Variants in LMO7 observed in about 807,000 individuals in gnomAD.
LMO7 encodes LIM domain only protein 7.
In LMO7, 120 loss-of-function variants were observed where a neutral mutation model predicts 206.5. That is an observed-to-expected ratio of 0.58 (90% CI 0.50 to 0.68). The LOEUF is 0.68. LMO7 is among the 30% of genes least tolerant of loss of function. The pLI is 0.00. For synonymous variants in LMO7, 706 were observed against 681.5 expected (o/e 1.04, Z -0.56); for missense variants, 1,959 against 1,957.9 (o/e 1.00, Z -0.01).
chr13:75,685,027 C>T (rs796627066), intron 1 of LMO7, among the ~76,000 whole-genome samples: 39 of 152,272 alleles, frequency 2.6e-4, no homozygotes, highest in African/African-American at 8.2e-4. Flanking sequence ...TTCCGCCTAT[C>T]TTTAGCTATT....
At position 75,835,349 on chromosome 13, in the gene LMO7, TGGA is replaced by T; in HGVS notation, c.3333+12_3333+14del. 1 of 1,570,162 alleles carries T rather than the reference TGGA, an allele frequency of 6.4e-7. No individual in the cohort carries two copies. The highest frequency in any genetic ancestry group is 2.3e-5 in the East Asian group (1 of 43,432). ...AAGCCTTCAGAGTTCTGTGAGTATT[TGGA>T]GAAGTAGGAAGTACTGGTGTGGAGT... On this transcript the variant is annotated intron_variant, in intron 18 of 30. Transcript: ENST00000377534.
intron 4 of LMO7, among the ~76,000 whole-genome samples, chr13:75,783,165 C>T (rs992213408): frequency 6.6e-6 from 1 of 152,156 alleles, no homozygotes; most frequent in Non-Finnish European, 1.5e-5. Context: ...ACAGCATATA[C>T]ATAACCATTT....
chr13:75,635,028 C>CAAA (rs984451343), upstream of LMO7, among the ~76,000 whole-genome samples: 3 of 135,690 alleles, frequency 2.2e-5, no homozygotes, highest in Non-Finnish European at 3.3e-5. Context: ...CAAAACAAAA[C>CAAA]AAAACAAAAC....
intron 4 of LMO7, among the ~76,000 whole-genome samples, chr13:75,781,935 G>T (rs2051524966): frequency 6.6e-6 from 1 of 152,134 alleles, no homozygotes; most frequent in South Asian, 2.1e-4. Context: ...CTTTTGAGAA[G>T]TGTCTGTTCA....
At chr13:75,815,845 G>T (rs1216646400) in intron 11 of LMO7, among the ~76,000 whole-genome samples, 1 of 152,146 alleles carries the variant, frequency 6.6e-6, no homozygotes, top group Non-Finnish European at 1.5e-5. Context: ...GTGAAAAGTG[G>T]TTGTTAGGTT....
At chr13:75,742,797 C>A (rs2761398) in intron 3 of LMO7, among the ~76,000 whole-genome samples, 66,426 of 152,028 alleles carry the variant, frequency 0.44, 14,861 homozygotes, top group East Asian at 0.61. Flanking sequence ...CAATAACATT[C>A]TGGACATAGG....
chr13:75,752,363 C>T (rs933841261), intron 3 of LMO7, among the ~76,000 whole-genome samples: 1 of 152,028 alleles, frequency 6.6e-6, no homozygotes, highest in African/African-American at 2.4e-5. Context: ...GAACTCCTGA[C>T]CTCAGGTGAT....
intron 2 of LMO7, among the ~76,000 whole-genome samples, chr13:75,721,934 C>CA (rs1166831783): frequency 1.3e-5 from 2 of 152,128 alleles, no homozygotes; most frequent in African/African-American, 4.8e-5. Flanking sequence ...TTCCACAAAG[C>CA]AAACAAAAAC....
chr13:75,807,878 C>A lies in LMO7; in HGVS notation c.1595C>A (p.Ser532Tyr), dbSNP rs761293278. The A allele has an allele frequency of 5.6e-6, 9 of 1,613,934 alleles. No individual in the cohort carries two copies. The highest frequency in any genetic ancestry group is 7.6e-6 in the Non-Finnish European group (9 of 1,179,868). ...IPAQKKEVPL[S>Y]GAPDRYHPVP... ...GCACAGAAGAAAGAAGTGCCGCTGT[C>A]TGGGGCCCCAGATAGATACCACCCA... The change falls in exon 10 of 31, where the codon TCT becomes TAT. Residue 532 changes from serine to tyrosine, a missense_variant. Physicochemically the swap from Ser to Tyr is moderately radical, Grantham distance 144 (BLOSUM62 -2). Transcript: ENST00000377534.
intron 2 of LMO7, among the ~76,000 whole-genome samples, chr13:75,626,442 A>AAG: frequency 6.6e-6 from 1 of 150,560 alleles, no homozygotes; most frequent in African/African-American, 2.4e-5. Context: ...GCAGGGGAAA[A>AAG]ACCGGCCCAC....
At chr13:75,655,057 G>A (rs2037924181) in intron 1 of LMO7, among the ~76,000 whole-genome samples, 1 of 152,024 alleles carries the variant, frequency 6.6e-6, no homozygotes, top group African/African-American at 2.4e-5. Context: ...TTTTAGTAGA[G>A]ACGGGGTTTC....
At chr13:75,718,578 C>G (rs2043754279) in intron 2 of LMO7, among the ~76,000 whole-genome samples, 1 of 152,142 alleles carries the variant, frequency 6.6e-6, no homozygotes, top group Non-Finnish European at 1.5e-5. Context: ...CAGCCTCCCC[C>G]ATTATCAACG....
chr13:75,784,402 T>A (rs948741865), intron 4 of LMO7, among the ~76,000 whole-genome samples: 1 of 152,136 alleles, frequency 6.6e-6, no homozygotes, highest in African/African-American at 2.4e-5. Context: ...GGGTTTGGAA[T>A]CTCATTTGGG....
At chr13:75,795,049 C>T (rs2053795564) in intron 4 of LMO7, among the ~76,000 whole-genome samples, 1 of 151,890 alleles carries the variant, frequency 6.6e-6, no homozygotes, top group South Asian at 2.1e-4. Flanking sequence ...ACTGATCCCC[C>T]CTCATTGGGT....
chr13:75,711,997 G>A (rs561645560), intron 1 of LMO7, among the ~76,000 whole-genome samples: 48 of 152,306 alleles, frequency 3.2e-4, no homozygotes, highest in African/African-American at 9.4e-4. Flanking sequence ...CTGTCCAAAT[G>A]TATAGACCAA....
At chr13:75,717,165 C>T (rs2043611316) in intron 2 of LMO7, among the ~76,000 whole-genome samples, 1 of 151,930 alleles carries the variant, frequency 6.6e-6, no homozygotes, top group Admixed American at 6.6e-5. Context: ...AGATCGAGAC[C>T]ATCCTGGCTA....
chr13:75,777,892 G>A (rs1432806436), intron 4 of LMO7, among the ~76,000 whole-genome samples: 6 of 151,968 alleles, frequency 3.9e-5, no homozygotes, highest in African/African-American at 1.4e-4. Context: ...TGATCCGCCC[G>A]CCTCGGCCTC....
At chr13:75,851,252 A>C (rs763720635) in intron 27 of LMO7, among the ~76,000 whole-genome samples, 1 of 152,248 alleles carries the variant, frequency 6.6e-6, no homozygotes, top group Non-Finnish European at 1.5e-5. Context: ...AAGATAATAC[A>C]TATTAAATGG....
intron 1 of LMO7, among the ~76,000 whole-genome samples, chr13:75,645,789 G>T (rs1211081765): frequency 2.0e-5 from 3 of 152,060 alleles, no homozygotes; most frequent in East Asian, 1.9e-4. Context: ...ATTTCACTTG[G>T]TGTTTCTAAT....
Sources: gnomAD v4.1 joint callset for allele counts (sites outside exome capture counted in the v4.1 genomes callset) on GRCh38, gnomAD v4.1.1 for gene constraint, MANE v1.5 for transcripts, NCBI Gene and HGNC (gene_info 2026-07-23, HGNC 2026-07-21) for gene names.